The following FAM13A variants were observed in gnomAD, a reference collection of about 807,000 sequenced individuals.
FAM13A encodes family with sequence similarity 13 member A, also known as protein FAM13A.
FAM13A carries 76 observed loss-of-function variants against 129.6 expected under a neutral mutation model. The ratio of observed to expected loss-of-function variants is 0.59; its 90% CI spans 0.49 to 0.71. The LOEUF (loss-of-function observed/expected upper bound fraction) is 0.71. Among genes scored for constraint, FAM13A ranks in the 30% least tolerant of loss-of-function variants. The probability of loss-of-function intolerance (pLI) is 0.00; values close to 1 mark genes in which losing one functional copy is unlikely to be tolerated. For missense variants in FAM13A, 1,108 were observed against 1,249.3 expected (o/e 0.89, Z 1.70); for synonymous variants, 443 against 449.9 (o/e 0.98, Z 0.20).
rs1742346144 is a variant in FAM13A at position 88,750,525 on chromosome 4, G to A, written c.1839C>T (p.Asp613=). Reference sequence around the variant, plus strand: ...CGTAGAACCGAGGAGAGAGCATGGGGTCGCTGTCTTCGTCCAGCAGCTGAC... The same window carrying A: ...CGTAGAACCGAGGAGAGAGCATGGGATCGCTGTCTTCGTCCAGCAGCTGAC... The part of the protein sequence containing the change: ...LIRQLLDEDS[D]PMLSPRFYAY... Residue 613 remains aspartate (D), a synonymous_variant, in exon 15 of 24, where the codon GAC becomes GAT. Transcript: ENST00000264344. 3 of 1,614,026 alleles carry A rather than the reference G, an allele frequency of 1.9e-6. No individual in the cohort carries two copies. Among genetic ancestry groups the A allele is most frequent in the Admixed American group, 1.7e-5 (1 of 60,008 alleles).
chr4:88,739,806 AAT>A (rs1739842811), intron 19 of FAM13A, among the ~76,000 whole-genome samples: 3 of 151,440 alleles, frequency 2.0e-5, no homozygotes, highest in South Asian at 4.2e-4. Context: ...AAAAAAAAAA[AAT>A]ACATATCATG....
chr4:88,877,728 T>C (rs992109789), intron 6 of FAM13A, among the ~76,000 whole-genome samples: 5 of 152,330 alleles, frequency 3.3e-5, no homozygotes, highest in African/African-American at 7.2e-5. Context: ...AAAATATCTT[T>C]AGTAGCTCCC....
chr4:88,809,994 T>G (rs1729356431), intron 7 of FAM13A, among the ~76,000 whole-genome samples: 5 of 151,904 alleles, frequency 3.3e-5, no homozygotes, highest in African/African-American at 9.7e-5. Flanking sequence ...GGCAGCTTTG[T>G]TTATAGTTTT....
At chr4:88,950,753 A>G (rs986313444) in intron 4 of FAM13A, among the ~76,000 whole-genome samples, 1 of 152,200 alleles carries the variant, frequency 6.6e-6, no homozygotes, top group Non-Finnish European at 1.5e-5. Context: ...AATACGGGTG[A>G]ATTTTTCTAT....
intron 4 of FAM13A, among the ~76,000 whole-genome samples, chr4:88,972,493 G>T (rs1038614579): frequency 1.3e-5 from 2 of 151,864 alleles, no homozygotes; most frequent in African/African-American, 2.4e-5. Flanking sequence ...TAGAGACAGG[G>T]TATCACCATG....
intron 11 of FAM13A, among the ~76,000 whole-genome samples, chr4:88,778,294 C>T (rs1722164306): frequency 2.0e-5 from 3 of 152,192 alleles, no homozygotes; most frequent in Admixed American, 2.0e-4. Flanking sequence ...CTATCTTCCT[C>T]ATCTCAGTAA....
intron 23 of FAM13A, chr4:88,729,429 A>G (rs927595039): frequency 1.3e-5 from 2 of 152,196 alleles, no homozygotes; most frequent in Admixed American, 6.5e-5. Context: ...ACATTCAACC[A>G]TAGGCTTCCT....
intron 7 of FAM13A, among the ~76,000 whole-genome samples, chr4:88,847,759 C>T (rs1226660185): frequency 6.6e-6 from 1 of 152,054 alleles, no homozygotes; most frequent in Non-Finnish European, 1.5e-5. Context: ...ACGGTGAAAC[C>T]CCGTCTCTAC....
chr4:88,953,283 C>T (rs879722588), intron 4 of FAM13A, among the ~76,000 whole-genome samples: 25 of 151,648 alleles, frequency 1.6e-4, no homozygotes, highest in Non-Finnish European at 3.1e-4. Context: ...GGTGAAACCC[C>T]GTCTCTACTA....
intron 21 of FAM13A, 81 bp downstream of exon 21, chr4:88,737,391 C>G (rs927628946): frequency 5.9e-5 from 71 of 1,204,794 alleles, no homozygotes; most frequent in Admixed American, 5.1e-5. Context: ...GATCACACCC[C>G]CTTTCCATTC....
chr4:88,945,990 G>GTGTGTGTGTGTGTATA, intron 4 of FAM13A, among the ~76,000 whole-genome samples: 5 of 61,962 alleles, frequency 8.1e-5, no homozygotes, highest in Non-Finnish European at 1.2e-4. Flanking sequence ...GTGTGTGTGT[G>GTGTGTGTGTGTGTATA]TATATATATA....
chr4:88,749,206 T>C (rs2149467483), intron 16 of FAM13A, among the ~76,000 whole-genome samples, 173 bp from the exon 17 acceptor site: 1 of 152,288 alleles, frequency 6.6e-6, no homozygotes, highest in Non-Finnish European at 1.5e-5. Flanking sequence ...TTATCCTTCT[T>C]TATATTTGGT....
chr4:88,849,514 C>T (rs896074974), intron 7 of FAM13A, among the ~76,000 whole-genome samples: 6 of 152,132 alleles, frequency 3.9e-5, no homozygotes, highest in African/African-American at 1.4e-4. Context: ...ACTTTCTCCC[C>T]CTCCTTATGT....
At chr4:88,856,519 CA>C (rs1032657005) in intron 6 of FAM13A, among the ~76,000 whole-genome samples, 3 of 151,800 alleles carry the variant, frequency 2.0e-5, no homozygotes, top group Non-Finnish European at 4.4e-5. Flanking sequence ...AACAAAAAAC[CA>C]AAAAACCCCA....
intron 8 of FAM13A, among the ~76,000 whole-genome samples, chr4:88,793,331 A>C (rs1374553377): frequency 6.6e-6 from 1 of 152,040 alleles, no homozygotes; most frequent in Non-Finnish European, 1.5e-5. Context: ...TGTAGAGCAC[A>C]TTTCTCAGAG....
intron 7 of FAM13A, among the ~76,000 whole-genome samples, chr4:88,848,280 G>A (rs1737010703): frequency 6.6e-6 from 1 of 152,188 alleles, no homozygotes; most frequent in African/African-American, 2.4e-5. Flanking sequence ...TGGTTGTACA[G>A]CGCTCAAGCT....
intron 9 of FAM13A, among the ~76,000 whole-genome samples, chr4:88,789,982 T>A (rs907756340): frequency 6.6e-6 from 1 of 152,142 alleles, no homozygotes; most frequent in Admixed American, 6.6e-5. Context: ...AGGTTTAGTC[T>A]AAGTGTCAGT....
In FAM13A at chr4:88,754,389, C is replaced by T. The variant is rs540694001; in HGVS notation, c.1727-3752G>A. On this transcript the variant is annotated intron_variant, in intron 14 of 23. Transcript: ENST00000264344. ...TCTCTGAGTAACGCTAACATGGTCA[C>T]TGGGACAAGCTACTCTCTGCTTAGC... 2.6e-5 allele frequency among the ~76,000 whole-genome samples: 4 copies of T among 152,344 alleles called. No homozygotes were observed. The South Asian group carries it at 8.3e-4, about 32-fold the overall frequency.
chr4:88,969,486 T>A (rs1469159062), intron 4 of FAM13A, among the ~76,000 whole-genome samples: 1 of 152,170 alleles, frequency 6.6e-6, no homozygotes, highest in Non-Finnish European at 1.5e-5. Flanking sequence ...AAGGTCAGGA[T>A]GGGAAAATAA....
Sources: gnomAD v4.1 joint callset for allele counts (sites outside exome capture counted in the v4.1 genomes callset) on GRCh38, gnomAD v4.1.1 for gene constraint, MANE v1.5 for transcripts, NCBI Gene and HGNC (gene_info 2026-07-23, HGNC 2026-07-21) for gene names.